Variants in MGST1 observed in about 807,000 individuals in gnomAD.
The protein encoded by MGST1 is glutathione S-transferase 12.
In MGST1, 5 loss-of-function variants were observed where a neutral mutation model predicts 8.9. That is an observed-to-expected ratio of 0.56 (90% confidence interval 0.29 to 1.19). MGST1 has a LOEUF of 1.19. Among genes scored for constraint, MGST1 ranks in the 50% most tolerant of loss-of-function variants. The probability of loss-of-function intolerance (pLI) is 0.08; values close to 1 mark genes in which losing one functional copy is unlikely to be tolerated. For missense variants in MGST1, 182 were observed against 187.4 expected (o/e 0.97, Z 0.17); for synonymous variants, 54 against 67.8 (o/e 0.80, Z 1.00).
At chr12:16,454,740 A>G (rs1310151067) in intron 4 of MGST1, among the ~76,000 whole-genome samples, 2 of 151,818 alleles carry the variant, frequency 1.3e-5, no homozygotes, top group Non-Finnish European at 2.9e-5. Context: ...TCTACTGGAA[A>G]ATATGTCAAG....
intron 1 of MGST1, among the ~76,000 whole-genome samples, chr12:16,352,066 C>T (rs933711930): frequency 1.3e-5 from 2 of 152,088 alleles, no homozygotes; most frequent in African/African-American, 4.8e-5. Context: ...GTGTAGTAAC[C>T]GTATGGGGTG....
chr12:16,399,616 A>C, intron 1 of MGST1: 3 of 1,609,320 alleles, frequency 1.9e-6, no homozygotes, highest in Middle Eastern at 3.4e-4. Context: ...TCAGACTCTG[A>C]ATCCCCTTCT....
At chr12:16,359,088 G>T (rs961430327) in intron 3 of MGST1, among the ~76,000 whole-genome samples, 1 of 152,034 alleles carries the variant, frequency 6.6e-6, no homozygotes, top group African/African-American at 2.4e-5. Context: ...AAAAAAATGT[G>T]GCTAAAAATA....
Position 16,560,503 on chromosome 12 carries a change from C to T in MGST1, n.483-29025C>T. 1 of 1,613,838 alleles carries T rather than the reference C, an allele frequency of 6.2e-7. No individual in the cohort carries two copies. On this transcript the variant is annotated intron_variant and non_coding_transcript_variant, in intron 4 of 4. Coordinates refer to the MGST1 transcript ENST00000538857. This position sits in a 1 kb window ranked among gnomAD's most constrained non-coding sequence, Gnocchi z 5.0. ...CATCTCAAAGGCAGGGATGAGCTTA[C>T]TACAGGCAGCGCAGTTTCCCGTTAC...
At chr12:16,567,119 C>A (rs1470207777) in intron 4 of MGST1, among the ~76,000 whole-genome samples, 3 of 152,146 alleles carry the variant, frequency 2.0e-5, no homozygotes, top group South Asian at 2.1e-4. Flanking sequence ...TCACTTGAAC[C>A]TGCGAGGCGG....
chr12:16,498,327 A>C (rs1200403515), intron 4 of MGST1, among the ~76,000 whole-genome samples: 1 of 152,182 alleles, frequency 6.6e-6, no homozygotes. Flanking sequence ...GCCAGTGAAC[A>C]TGCATTTACT....
chr12:16,366,331 G>A (rs1469163373), downstream of MGST1, among the ~76,000 whole-genome samples: 1 of 152,100 alleles, frequency 6.6e-6, no homozygotes, highest in Non-Finnish European at 1.5e-5. This position sits in a 1 kb window ranked among gnomAD's most constrained non-coding sequence, Gnocchi z 4.0. Flanking sequence ...TTAGATACAG[G>A]GGGATTTATT....
chr12:16,464,120 G>A (rs1941239401), intron 4 of MGST1, among the ~76,000 whole-genome samples: 1 of 152,260 alleles, frequency 6.6e-6, no homozygotes, highest in African/African-American at 2.4e-5. Context: ...GACTTTATAA[G>A]TCATAAGAAT....
chr12:16,558,998 G>A (rs1942294271), intron 4 of MGST1, among the ~76,000 whole-genome samples: 1 of 152,218 alleles, frequency 6.6e-6, no homozygotes, highest in South Asian at 2.1e-4. Context: ...ATATATGGTG[G>A]TGCTGAAATT....
At chr12:16,405,694 C>T (rs113065706) in intron 1 of MGST1, among the ~76,000 whole-genome samples, 4,105 of 148,814 alleles carry the variant, frequency 0.028, 187 homozygotes, top group African/African-American at 0.096. Context: ...TCCAACAGCA[C>T]ATCCAAAAGC....
intron 1 of MGST1, among the ~76,000 whole-genome samples, chr12:16,396,560 C>G (rs958892702): frequency 2.6e-5 from 4 of 152,008 alleles, no homozygotes; most frequent in African/African-American, 9.7e-5. Flanking sequence ...CAAACAGCTC[C>G]TAGAACTAAT....
chr12:16,383,492 G>T (rs180894327), exon 1 of MGST1: 1 of 149,806 alleles, frequency 6.7e-6, no homozygotes, highest in African/African-American at 2.5e-5. Flanking sequence ...ACGGAGTTTT[G>T]TTCTTGTTGT....
intron 4 of MGST1, among the ~76,000 whole-genome samples, chr12:16,453,144 T>C (rs1219221329): frequency 1.3e-5 from 2 of 151,902 alleles, no homozygotes; most frequent in Non-Finnish European, 2.9e-5. Context: ...CCAAGAACAC[T>C]GATGGGGAAA....
chr12:16,473,833 A>T (rs1384947969), intron 4 of MGST1, among the ~76,000 whole-genome samples: 1 of 152,168 alleles, frequency 6.6e-6, no homozygotes, highest in Admixed American at 6.5e-5. Flanking sequence ...GTGAGCCATG[A>T]CTGTACCACT....
chr12:16,370,534 C>T (rs1442180935), intron 3 of MGST1: 1 of 152,084 alleles, frequency 6.6e-6, no homozygotes, highest in Non-Finnish European at 1.5e-5. Context: ...GTATATTAAT[C>T]ATGAAAATAA....
intron 4 of MGST1, among the ~76,000 whole-genome samples, chr12:16,492,124 A>G (rs991673816): frequency 1.3e-5 from 2 of 152,230 alleles, no homozygotes; most frequent in African/African-American, 4.8e-5. Context: ...TTCATATGAA[A>G]AAAATGGAAT....
At chr12:16,465,967 G>T (rs972797829) in intron 4 of MGST1, among the ~76,000 whole-genome samples, 1 of 152,062 alleles carries the variant, frequency 6.6e-6, no homozygotes, top group Non-Finnish European at 1.5e-5. Flanking sequence ...TTGTATGTGC[G>T]TTCTCAGTTA....
At chr12:16,565,794 A>G (rs1942577046) in intron 4 of MGST1, among the ~76,000 whole-genome samples, 1 of 151,360 alleles carries the variant, frequency 6.6e-6, no homozygotes, top group Non-Finnish European at 1.5e-5. Flanking sequence ...AGGTTCCTCA[A>G]AAAAATTAAA....
In MGST1 at chr12:16,546,973, T is replaced by C. The variant is rs1236868760; in HGVS notation, n.483-42555T>C. Among the ~76,000 whole-genome samples, 1 of 152,172 alleles carries C rather than the reference T, an allele frequency of 6.6e-6. No homozygotes were observed. Among genetic ancestry groups the C allele is most frequent in the Non-Finnish European group, 1.5e-5 (1 of 68,018 alleles). ...TATACTAAAGCGTTGTAAAATTGAC[T>C]CAAGTGTTTTAGCAGCTATTCTTTG... On this transcript the variant is annotated intron_variant and non_coding_transcript_variant, in intron 4 of 4. Transcript: ENST00000538857. The surrounding 1 kb of genome is among the most constrained non-coding windows in gnomAD (Gnocchi z 4.7).
Sources: gnomAD v4.1 joint callset for allele counts (sites outside exome capture counted in the v4.1 genomes callset) on GRCh38, gnomAD v4.1.1 for gene constraint, Gnocchi (gnomAD v3.1) non-coding constraint, MANE v1.5 for transcripts, NCBI Gene and HGNC (gene_info 2026-07-23, HGNC 2026-07-21) for gene names.